PAPOLG: variants seen among roughly 807,000 people sequenced by gnomAD.
PAPOLG encodes the protein PAP-gamma.
Under a neutral mutation model 99.0 loss-of-function variants are expected in PAPOLG, and 40 were observed. The ratio of observed to expected loss-of-function variants is 0.40; its 90% confidence interval spans 0.31 to 0.53. The LOEUF (loss-of-function observed/expected upper bound fraction) is 0.53. PAPOLG is among the 20% of genes least tolerant of loss of function. The pLI, the probability that PAPOLG is intolerant of heterozygous loss-of-function variation, is 0.41. For missense variants in PAPOLG, 675 were observed against 884.1 expected, an observed-to-expected ratio of 0.76 and a Z score of 3.00; for synonymous variants, 310 against 299.3, an observed-to-expected ratio of 1.04 and a Z score of -0.37.
In PAPOLG at chr2:60,760,124, T is replaced by A. The variant is rs371218775; in HGVS notation, c.18-10T>A. 1 of 1,611,682 alleles carries A rather than the reference T, an allele frequency of 6.2e-7. No homozygotes were observed. Among genetic ancestry groups the A allele is most frequent in the Non-Finnish European group, 8.5e-7 (1 of 1,179,216 alleles). On this transcript the variant is annotated splice_polypyrimidine_tract_variant and intron_variant, in intron 1 of 21. Coordinates refer to ENST00000238714, the MANE Select transcript of PAPOLG (RefSeq NM_022894.4). Reference sequence around the variant, plus strand: ...ATTTTTTGTTTCATTTTTCTTATTTTCTTGAACAGAAACACCGTGCTGGAC... The same window carrying A: ...ATTTTTTGTTTCATTTTTCTTATTTACTTGAACAGAAACACCGTGCTGGAC...
At chr2:60,758,061 A>G (rs988436173) in intron 1 of PAPOLG, among the ~76,000 whole-genome samples, 2 of 152,184 alleles carry the variant, frequency 1.3e-5, no homozygotes, top group Non-Finnish European at 2.9e-5. Context: ...TTATCTGTAA[A>G]ATGGCACTTA....
At chr2:60,783,425 T>TCCTGACCTCAGGTGATCCGCCCA (rs935793415) in intron 13 of PAPOLG, among the ~76,000 whole-genome samples, 7 of 141,246 alleles carry the variant, frequency 5.0e-5, no homozygotes, top group Non-Finnish European at 1.1e-4. Context: ...GATCTCGAGC[T>TCCTGACCTCAGGTGATCCGCCCA]CCTGACCTCA....
At chr2:60,781,369 T>C (rs1573240935) in intron 10 of PAPOLG, among the ~76,000 whole-genome samples, 1 of 150,894 alleles carries the variant, frequency 6.6e-6, no homozygotes, top group Non-Finnish European at 1.5e-5. Flanking sequence ...AAAAAAAAAG[T>C]AATTGGTTAC....
At position 60,797,305 on chromosome 2, in the gene PAPOLG, A is replaced by C. The variant is rs1364562600; in HGVS notation, c.*145A>C. On this transcript the variant is annotated 3_prime_UTR_variant, in exon 22 of 22. Transcript: ENST00000238714. ...TCTAATAACCTTGAAGTGGTTTTTG[A>C]ACTGTCAAACTTTGACCTGTAGATG... The C allele has an allele frequency of 1.0e-6, 1 of 983,498 alleles. No homozygotes were observed. The highest frequency in any genetic ancestry group is 1.5e-6 in the Non-Finnish European group (1 of 665,318). The allele number at this position is 983,498 out of a possible 1,614,324, so 60.9% of individuals were successfully genotyped here.
Position 60,760,224 on chromosome 2 carries a change from T to G in PAPOLG, c.108T>G (p.Ile36Met). 1.2e-6 allele frequency: 2 copies of G among 1,614,052 alleles called. No homozygotes were observed. Among genetic ancestry groups the G allele is most frequent in the South Asian group, 2.2e-5 (2 of 91,072 alleles). ...CATCTCCTAAAGAAATTGATCATAT[T>G]TACACACAGAAATTAATTGACGCCA... ...SLASPKEIDH[I>M]YTQKLIDAMK... The change falls in exon 2 of 22, where the codon ATT becomes ATG. Residue 36 changes from isoleucine (I) to methionine (M), a missense_variant. Around this residue, in one of 3 missense-constraint regions of PAPOLG, gnomAD observed 149 missense variants for 192.1 expected, o/e 0.78. Transcript: ENST00000238714.
chr2:60,765,167 C>T (rs1203034298), intron 3 of PAPOLG, among the ~76,000 whole-genome samples: 2 of 151,552 alleles, frequency 1.3e-5, no homozygotes, highest in Admixed American at 1.3e-4. Context: ...CTCCTAGGCT[C>T]AAGCAATCCT....
rs1337226516 is a variant in PAPOLG, at chr2:60,787,551, C to T, written c.1327C>T (p.Arg443Trp). The T allele has an allele frequency of 3.1e-6, 5 of 1,613,826 alleles. No individual in the cohort carries two copies. The highest frequency in any genetic ancestry group is 3.4e-6 in the Non-Finnish European group (4 of 1,179,934). Residue 443 changes from arginine (R) to tryptophan (W), a missense_variant, in exon 15 of 22, where the codon CGG (arginine) becomes TGG (tryptophan). Physicochemically the swap from Arg to Trp is moderately radical, Grantham distance 101. Transcript: ENST00000238714. Reference sequence around the variant, plus strand: ...AATGTGGTTCCTTGGGATAATTTTTCGGAGAGTAGAAAATGCAGAAAGTGT... The same window carrying T: ...AATGTGGTTCCTTGGGATAATTTTTTGGAGAGTAGAAAATGCAGAAAGTGT... ...VSMWFLGIIF[R>W]RVENAESVNI...
At chr2:60,794,324 A>T in intron 19 of PAPOLG, 133 bp downstream of exon 19, 2 of 930,870 alleles carry the variant, frequency 2.1e-6, no homozygotes, top group South Asian at 3.8e-5. Flanking sequence ...ATCTTAAAGA[A>T]ACAATATTAA....
At chr2:60,784,365 A>C (rs1167179378) in intron 13 of PAPOLG, among the ~76,000 whole-genome samples, 1 of 152,250 alleles carries the variant, frequency 6.6e-6, no homozygotes, top group Non-Finnish European at 1.5e-5. Flanking sequence ...TAATGGCTTA[A>C]ATCTTTCAGA....
intron 13 of PAPOLG, 132 bp from the exon 14 acceptor site, chr2:60,786,815 C>A: frequency 9.6e-7 from 1 of 1,045,530 alleles, no homozygotes; most frequent in Non-Finnish European, 1.3e-6. Flanking sequence ...CAGATGTGAG[C>A]CACCATGCCC....
At chr2:60,761,859 C>G (rs745969028) in intron 3 of PAPOLG, 52 bp downstream of exon 3, 1 of 1,265,500 alleles carries the variant, frequency 7.9e-7, no homozygotes. Flanking sequence ...CTTGGCCATT[C>G]ATCCTGGCAA....
chr2:60,779,543 A>G, intron 8 of PAPOLG, 94 bp from the exon 9 acceptor site: 2 of 1,337,796 alleles, frequency 1.5e-6, no homozygotes, highest in Non-Finnish European at 2.0e-6. Flanking sequence ...GTTGAATGTC[A>G]CGGATATTCA....
At chr2:60,786,394 A>AT (rs1342645383) in intron 13 of PAPOLG, among the ~76,000 whole-genome samples, 4 of 149,908 alleles carry the variant, frequency 2.7e-5, no homozygotes, top group Admixed American at 6.7e-5. Flanking sequence ...TACTCGGCCA[A>AT]TTTTTTTTGT....
intron 5 of PAPOLG, among the ~76,000 whole-genome samples, chr2:60,769,310 G>A (rs1670778071): frequency 6.6e-6 from 1 of 152,180 alleles, no homozygotes; most frequent in Admixed American, 6.5e-5. Context: ...CTCTTTATAT[G>A]TGTATATCTA....
rs375487527 is a variant in PAPOLG at position 60,771,514 on chromosome 2, C to T, written c.493-5C>T. ...TTTTTTCTCTTTTTTCACATCTTTC[C>T]AAAGATTGATCTAGTCTTTGCAAGA... On this transcript the variant is annotated splice_region_variant and splice_polypyrimidine_tract_variant and intron_variant, in intron 6 of 21. Transcript: ENST00000238714. 10 of 1,568,026 alleles carry T rather than the reference C, an allele frequency of 6.4e-6. No individual in the cohort carries two copies. Among genetic ancestry groups the T allele is most frequent in the Non-Finnish European group, 8.6e-6 (10 of 1,165,194 alleles).
At chr2:60,778,499 C>T (rs1376229337) in intron 8 of PAPOLG, among the ~76,000 whole-genome samples, 2 of 151,990 alleles carry the variant, frequency 1.3e-5, no homozygotes, top group Admixed American at 1.3e-4. Context: ...TTAAAGGTTT[C>T]TTTTCGGGGT....
At position 60,771,527 on chromosome 2, in the gene PAPOLG, A is replaced by G; in HGVS notation, c.501A>G (p.Leu167=). 6.3e-7 allele frequency: 1 copy of G among 1,586,994 alleles called. No homozygotes were observed. The highest frequency in any genetic ancestry group is 8.5e-7 in the Non-Finnish European group (1 of 1,173,014). Residue 167 remains leucine, a synonymous_variant, in exon 7 of 22, where the codon CTA becomes CTG. Transcript: ENST00000238714. ...KFEFDGIEID[L]VFARLAIQTI... is the part of the protein sequence containing the mutation. Reference sequence around the variant, plus strand: ...TTCACATCTTTCCAAAGATTGATCTAGTCTTTGCAAGACTGGCAATACAAA... The same window carrying G: ...TTCACATCTTTCCAAAGATTGATCTGGTCTTTGCAAGACTGGCAATACAAA...
At position 60,783,500 on chromosome 2, in the gene PAPOLG, C is replaced by CTTTTT. The variant is rs761205449; in HGVS notation, c.1166+315_1166+319dup. 5.7e-4 allele frequency among the ~76,000 whole-genome samples: 26 copies of CTTTTT among 45,362 alleles called. 2 individuals are homozygous for CTTTTT. Among genetic ancestry groups the CTTTTT allele is most frequent in the South Asian group, 3.5e-3 (5 of 1,418 alleles). 29.8% of individuals were successfully genotyped at this position (45,362 alleles called of 152,430 possible). On this transcript the variant is annotated intron_variant, in intron 13 of 21. Transcript: ENST00000238714. ...ACAGGCCTGAGCCACTTTACCCGGCCTTTTTTTTTTTTTTTTTTTTTTTTT... is the reference window on the plus strand; with the variant it reads ...ACAGGCCTGAGCCACTTTACCCGGCCTTTTTTTTTTTTTTTTTTTTTTTTTTTTTT...
chr2:60,784,768 A>G (rs531451451), intron 13 of PAPOLG, among the ~76,000 whole-genome samples: 55 of 152,298 alleles, frequency 3.6e-4, no homozygotes, highest in Middle Eastern at 3.4e-3. Context: ...TATATTATCT[A>G]TGGCTGCTTC....
Sources: allele counts gnomAD v4.1 joint callset (sites outside exome capture counted in the v4.1 genomes callset), GRCh38; gene constraint gnomAD v4.1.1; regional missense constraint gnomAD v4.1.1; transcripts MANE v1.5; gene names NCBI Gene and HGNC (gene_info 2026-07-23, HGNC 2026-07-21).